Variants in CCDC171 observed in about 807,000 individuals in gnomAD.
CCDC171 encodes the protein coiled-coil domain-containing protein 171.
In CCDC171, 177 loss-of-function variants were observed where a neutral mutation model predicts 168.2. That is an observed-to-expected ratio of 1.05 (90% CI 0.93 to 1.19). CCDC171 has a LOEUF of 1.19. Among genes scored for constraint, CCDC171 ranks in the 50% most tolerant of loss-of-function variants. The pLI is 0.00. For synonymous variants in CCDC171, 687 were observed against 540.8 expected (o/e 1.27, Z -3.75); for missense variants, 1,991 against 1,539.0 (o/e 1.29, Z -4.91).
At chr9:16,076,823 T>G in the CCDC171 span, among the ~76,000 whole-genome samples, 1 of 152,202 alleles carries the variant, frequency 6.6e-6, no homozygotes, top group East Asian at 1.9e-4. Context: ...TCTATTAGGC[T>G]CCATATCGTG....
At chr9:15,886,660 C>T (rs1451870035) in intron 24 of CCDC171, 2 of 152,012 alleles carry the variant, frequency 1.3e-5, no homozygotes, top group Admixed American at 6.6e-5. Context: ...GACATGTCTA[C>T]ACTTCCATGT....
the CCDC171 span, among the ~76,000 whole-genome samples, chr9:16,067,499 G>T: frequency 6.6e-6 from 1 of 152,242 alleles, no homozygotes; most frequent in East Asian, 1.9e-4. Flanking sequence ...GGCTTTTGTT[G>T]CCATTGCTTT....
chr9:15,651,825 GTTGTTTGTTTGT>G (rs151208170), intron 7 of CCDC171, among the ~76,000 whole-genome samples: 3,252 of 152,048 alleles, frequency 0.021, 118 homozygotes, highest in African/African-American at 0.074. Context: ...TTTCTATGAA[GTTGTTTGTTTGT>G]TTGTTTGTTT....
intron 3 of CCDC171, among the ~76,000 whole-genome samples, chr9:15,576,663 T>C (rs1418176756): frequency 6.6e-6 from 1 of 152,234 alleles, no homozygotes; most frequent in East Asian, 1.9e-4. Context: ...AATTCAATTT[T>C]CAGTCAGCCA....
At chr9:15,842,416 T>A (rs1280961804) in intron 21 of CCDC171, among the ~76,000 whole-genome samples, 1 of 152,064 alleles carries the variant, frequency 6.6e-6, no homozygotes, top group East Asian at 1.9e-4. Context: ...CTGTACCACA[T>A]TTATTAATTA....
At chr9:15,791,944 C>G (rs984415083) in intron 21 of CCDC171, among the ~76,000 whole-genome samples, 2 of 152,196 alleles carry the variant, frequency 1.3e-5, no homozygotes, top group Non-Finnish European at 2.9e-5. Context: ...AACGCAGCTC[C>G]TCACCAGCAA....
intron 10 of CCDC171, among the ~76,000 whole-genome samples, chr9:15,694,434 C>G (rs2051058267): frequency 6.6e-6 from 1 of 152,102 alleles, no homozygotes; most frequent in Non-Finnish European, 1.5e-5. Context: ...TTAGGTATCT[C>G]TAGTGGAATA....
chr9:15,883,390 G>C (rs1403214966), intron 24 of CCDC171, among the ~76,000 whole-genome samples: 3 of 151,956 alleles, frequency 2.0e-5, no homozygotes, highest in Admixed American at 1.3e-4. Flanking sequence ...TTGTAATAAG[G>C]TATTTTCTGT....
At chr9:15,725,746 G>A (rs979605128) in intron 14 of CCDC171, among the ~76,000 whole-genome samples, 11 of 152,060 alleles carry the variant, frequency 7.2e-5, no homozygotes, top group Non-Finnish European at 1.6e-4. Context: ...CACTGTGCCT[G>A]GCCTAGTTTC....
rs1443048970 is a variant in CCDC171, at chr9:15,820,565, T to C, written c.3268-26137T>C. ...TCAGAGACTGCTATAAACACCTCTA[T>C]GCAAATAAACTAGAAAATCTAGAAG... is the stretch of plus-strand genomic sequence containing the variant. On this transcript the variant is annotated intron_variant, in intron 21 of 25. Coordinates refer to ENST00000380701, the MANE Select transcript of CCDC171 (RefSeq NM_173550.4). Among the ~76,000 whole-genome samples the C allele has an allele frequency of 1.1e-4, 13 of 117,676 alleles. 2 individuals carry two copies. In the East Asian group the frequency reaches 2.3e-3, roughly 21 times the overall value. 77.2% of individuals were successfully genotyped at this position (117,676 alleles called of 152,430 possible).
intron 1 of CCDC171, among the ~76,000 whole-genome samples, chr9:16,052,925 G>T (rs142746676): frequency 6.6e-6 from 1 of 151,784 alleles, no homozygotes; most frequent in Non-Finnish European, 1.5e-5. Context: ...CCGGCTCGCC[G>T]TTCAGCCACA....
At chr9:16,085,239 C>G in the CCDC171 span, among the ~76,000 whole-genome samples, 1 of 152,186 alleles carries the variant, frequency 6.6e-6, no homozygotes, top group African/African-American at 2.4e-5. Flanking sequence ...TTTGTCAGAG[C>G]TTGGTCAGGG....
intron 11 of CCDC171, among the ~76,000 whole-genome samples, chr9:15,707,215 TCATTA>T (rs779912323): frequency 6.6e-6 from 1 of 152,200 alleles, no homozygotes; most frequent in Non-Finnish European, 1.5e-5. Context: ...TTGCCGCACT[TCATTA>T]TACTCATAGT....
the CCDC171 span, among the ~76,000 whole-genome samples, chr9:16,069,803 A>C: frequency 6.6e-6 from 1 of 152,206 alleles, no homozygotes; most frequent in Non-Finnish European, 1.5e-5. Context: ...GGAGGCTGAC[A>C]GTGCCCAGGA....
chr9:15,929,913 C>A (rs534233425), intron 25 of CCDC171, among the ~76,000 whole-genome samples: 1 of 151,776 alleles, frequency 6.6e-6, no homozygotes, highest in South Asian at 2.1e-4. Flanking sequence ...ATTCTGACTC[C>A]TTCTGGTTTT....
chr9:15,588,457 C>T (rs181766844), intron 4 of CCDC171: 5 of 284,928 alleles, frequency 1.8e-5, no homozygotes, highest in East Asian at 1.1e-4. Flanking sequence ...AAAGCCAGAG[C>T]GCAAGCCCAA....
At chr9:15,832,124 T>C (rs2060259751) in intron 21 of CCDC171, among the ~76,000 whole-genome samples, 4 of 152,210 alleles carry the variant, frequency 2.6e-5, no homozygotes, top group Admixed American at 2.6e-4. Context: ...CTTTTTGTTT[T>C]AAAGTCAAGT....
At chr9:15,706,516 G>A (rs1386154803) in intron 11 of CCDC171, among the ~76,000 whole-genome samples, 1 of 152,082 alleles carries the variant, frequency 6.6e-6, no homozygotes, top group Non-Finnish European at 1.5e-5. Context: ...TCCAACTGCT[G>A]AGTTTAAGCA....
intron 10 of CCDC171, among the ~76,000 whole-genome samples, chr9:15,679,807 C>T (rs2049916425): frequency 1.3e-5 from 2 of 152,176 alleles, no homozygotes; most frequent in South Asian, 4.1e-4. Flanking sequence ...TCTTGGCCTC[C>T]CAAAGTGCTG....
Sources: allele counts gnomAD v4.1 joint callset (sites outside exome capture counted in the v4.1 genomes callset), GRCh38; gene constraint gnomAD v4.1.1; transcripts MANE v1.5; gene names NCBI Gene and HGNC (gene_info 2026-07-23, HGNC 2026-07-21).